Variants in ZNF680 observed in about 807,000 individuals in gnomAD.
ZNF680 encodes hypothetical protein FLJ90430.
A neutral mutation model predicts 12.1 loss-of-function variants in ZNF680; 6 were observed. That is an observed-to-expected ratio of 0.49 (90% CI 0.27 to 0.98). The LOEUF (loss-of-function observed/expected upper bound fraction) is 0.98, where lower values mean the gene tolerates loss of function less well. ZNF680 is among the 50% of genes least tolerant of loss of function. The pLI is 0.12. For missense variants in ZNF680, 561 were observed against 616.3 expected, an observed-to-expected ratio of 0.91 and a Z score of 0.95; for synonymous variants, 170 against 199.3, an observed-to-expected ratio of 0.85 and a Z score of 1.24.
chr7:64,513,418 G>T, the ZNF680 span, among the ~76,000 whole-genome samples: 2 of 151,574 alleles, frequency 1.3e-5, no homozygotes, highest in East Asian at 1.9e-4. Context: ...AATTCAAAAG[G>T]ATATTATATA....
chr7:64,512,024 A>G, the ZNF680 span, among the ~76,000 whole-genome samples: 2 of 151,838 alleles, frequency 1.3e-5, no homozygotes, highest in African/African-American at 2.4e-5. Context: ...GTGCCATTGC[A>G]CTTCAGCCCA....
intron 1 of ZNF680, among the ~76,000 whole-genome samples, chr7:64,553,600 G>C (rs1787200384): frequency 6.6e-6 from 1 of 152,100 alleles, no homozygotes; most frequent in African/African-American, 2.4e-5. Flanking sequence ...AAAAAAATCT[G>C]TGCCCTCTCC....
At chr7:64,515,940 G>T (rs561624599), downstream of ZNF680, among the ~76,000 whole-genome samples, 9 of 152,082 alleles carry the variant, frequency 5.9e-5, no homozygotes, top group East Asian at 1.7e-3. Context: ...CCTGGGCCAA[G>T]CTAAGCAGCA....
chr7:64,499,835 A>C, the ZNF680 span, among the ~76,000 whole-genome samples: 1 of 152,240 alleles, frequency 6.6e-6, no homozygotes, highest in Non-Finnish European at 1.5e-5. Context: ...TCACCCTCAT[A>C]CAATGGGCCC....
chr7:64,544,502 ATTT>A, intron 1 of ZNF680, 70 bp from the exon 2 acceptor site: 1 of 1,550,694 alleles, frequency 6.4e-7, no homozygotes, highest in Non-Finnish European at 8.7e-7. Flanking sequence ...CATGGGCAGA[ATTT>A]TTATTTTGGC....
chr7:64,559,292 G>A (rs1219922923), intron 1 of ZNF680, among the ~76,000 whole-genome samples: 4 of 152,034 alleles, frequency 2.6e-5, no homozygotes, highest in African/African-American at 7.2e-5. Context: ...CGAAGTCAAG[G>A]GCAAAGTTTT....
rs1791502951 is a variant in ZNF680, at chr7:64,521,097, T to C, written c.*64A>G. 1.4e-6 allele frequency: 2 copies of C among 1,470,806 alleles called. No individual in the cohort carries two copies. The highest frequency in any genetic ancestry group is 2.0e-4 in the Middle Eastern group (1 of 5,100). The allele number at this position is 1,470,806 out of a possible 1,614,324, so 91.1% of individuals were successfully genotyped here. The stretch of plus-strand genomic sequence containing the variant: ...AAGTGTAACAATCATTGGAAGGCTT[T>C]GTCAAATTCTTCACATTTTTAGGGT... On this transcript the variant is annotated 3_prime_UTR_variant, in exon 4 of 4. Coordinates refer to ENST00000309683, the MANE Select transcript of ZNF680 (RefSeq NM_178558.5).
rs190240731 is a variant in ZNF680 at position 64,544,115 on chromosome 7, T to C, written c.157+191A>G. 57 of 751,340 alleles carry C rather than the reference T, an allele frequency of 7.6e-5. No individual in the cohort carries two copies. In the Middle Eastern group the frequency reaches 1.0e-3, roughly 14 times the overall value. 46.5% of individuals were successfully genotyped at this position (751,340 alleles called of 1,614,324 possible). On this transcript the variant is annotated intron_variant, in intron 2 of 3. Coordinates refer to ENST00000309683, the MANE Select transcript of ZNF680 (RefSeq NM_178558.5). ...TGAAGGACATAGATCAGCTCAGGAA[T>C]GTGGAAAGTTCAGGTCAAGATGAAA...
At chr7:64,508,734 G>A in the ZNF680 span, among the ~76,000 whole-genome samples, 8 of 152,042 alleles carry the variant, frequency 5.3e-5, no homozygotes, top group African/African-American at 9.7e-5. Context: ...TTATCTAAAG[G>A]CCTTTGGACT....
chr7:64,515,669 C>T (rs1180292085), downstream of ZNF680, among the ~76,000 whole-genome samples: 7 of 152,172 alleles, frequency 4.6e-5, no homozygotes, highest in Non-Finnish European at 1.0e-4. Context: ...ACCCTCCAGC[C>T]TATTTACATA....
the ZNF680 span, among the ~76,000 whole-genome samples, chr7:64,500,167 CTTCTCT>C: frequency 6.2e-4 from 94 of 152,278 alleles, no homozygotes; most frequent in African/African-American, 2.2e-3. Flanking sequence ...TCGTGTTTCT[CTTCTCT>C]TTAATTCTTA....
intron 3 of ZNF680, among the ~76,000 whole-genome samples, chr7:64,523,489 A>G (rs566944821): frequency 2.7e-4 from 41 of 152,274 alleles, no homozygotes; most frequent in African/African-American, 9.4e-4. Flanking sequence ...GAGACAAAAA[A>G]GAATCAAATA....
At chr7:64,515,560 T>C (rs554709494), downstream of ZNF680, among the ~76,000 whole-genome samples, 13 of 151,884 alleles carry the variant, frequency 8.6e-5, 1 homozygote, top group South Asian at 2.5e-3. Flanking sequence ...TAATGTAAAA[T>C]GCAGCCTGGA....
chr7:64,501,272 A>C, the ZNF680 span: 12 of 959,678 alleles, frequency 1.3e-5, no homozygotes, highest in East Asian at 2.9e-4. Flanking sequence ...CCTATTGCTT[A>C]GGCTGTAGTG....
In ZNF680 at chr7:64,521,985, T is replaced by TA; in HGVS notation, c.768dup (p.Lys257Ter). ...GGTTTCTCTTCAATATGAATTTTCTTATGTTTAATAAGGGTTGAGGATTGG... is the reference window on the plus strand; with the variant it reads ...GGTTTCTCTTCAATATGAATTTTCTTAATGTTTAATAAGGGTTGAGGATTGG... On this transcript the variant is annotated frameshift_variant, in exon 4 of 4. Transcript: ENST00000309683. LOFTEE classifies it low-confidence loss of function (END_TRUNC). 1 of 1,612,672 alleles carries TA rather than the reference T, an allele frequency of 6.2e-7. No homozygotes were observed.
chr7:64,544,148 A>C (rs1786653824), intron 2 of ZNF680, 158 bp downstream of exon 2: 2 of 1,117,330 alleles, frequency 1.8e-6, no homozygotes, highest in Admixed American at 5.2e-5. Flanking sequence ...AAACGTACTG[A>C]AGGAATTTTT....
chr7:64,512,285 TA>T, the ZNF680 span, among the ~76,000 whole-genome samples: 21 of 145,438 alleles, frequency 1.4e-4, no homozygotes, highest in South Asian at 4.3e-4. Context: ...CCTTCTCTAC[TA>T]AAAAAAAAAT....
chr7:64,517,478 C>T (rs1024911169), downstream of ZNF680, among the ~76,000 whole-genome samples: 1 of 151,976 alleles, frequency 6.6e-6, no homozygotes, highest in Non-Finnish European at 1.5e-5. Context: ...CAAAAGAAGT[C>T]CAAGACCAGA....
At chr7:64,515,928 G>T (rs540419203), downstream of ZNF680, among the ~76,000 whole-genome samples, 1 of 151,958 alleles carries the variant, frequency 6.6e-6, no homozygotes, top group Admixed American at 6.6e-5. Flanking sequence ...CTTCTAATAG[G>T]TCCTGGGCCA....
Sources: gnomAD v4.1 joint callset for allele counts (sites outside exome capture counted in the v4.1 genomes callset) on GRCh38, gnomAD v4.1.1 for gene constraint, MANE v1.5 for transcripts, NCBI Gene and HGNC (gene_info 2026-07-23, HGNC 2026-07-21) for gene names.